The following ARAP1 variants were observed in gnomAD, a reference collection of about 807,000 sequenced individuals.
ARAP1 encodes arf-GAP with Rho-GAP domain, ANK repeat and PH domain-containing protein 1.
ARAP1 carries 76 observed loss-of-function variants against 172.2 expected under a neutral mutation model. The observed-to-expected ratio is 0.44, with a 90% CI of 0.37 to 0.53. ARAP1 has a LOEUF of 0.53. ARAP1 is among the 20% of genes least tolerant of loss of function. The pLI, the probability that ARAP1 is intolerant of heterozygous loss-of-function variation, is 0.00. For synonymous variants in ARAP1, 804 were observed against 803.3 expected (o/e 1.00, Z -0.01); for missense variants, 1,686 against 1,977.5 (o/e 0.85, Z 2.80).
chr11:72,741,746 C>G lies in ARAP1; in HGVS notation c.-127-9149G>C, dbSNP rs1031655194. 2.0e-5 allele frequency among the ~76,000 whole-genome samples: 3 copies of G among 152,272 alleles called. No individual in the cohort carries two copies. Among genetic ancestry groups the G allele is most frequent in the Non-Finnish European group, 4.4e-5 (3 of 68,012 alleles). On this transcript the variant is annotated intron_variant, in intron 1 of 34. Transcript: ENST00000393609. The surrounding 1 kb of genome is among the most constrained non-coding windows in gnomAD (Gnocchi z 4.5). ...GCGGGAGTGGACAGACCCAGTGACA[C>G]CAGCACTCAAGATACAGACCCTCAC...
chr11:72,686,050 G>C lies in ARAP1; in HGVS notation c.4327C>G (p.Pro1443Ala). 3.1e-6 allele frequency: 5 copies of C among 1,614,050 alleles called. No homozygotes were observed. The highest frequency in any genetic ancestry group is 3.4e-6 in the Non-Finnish European group (4 of 1,180,024). Residue 1443 changes from proline (P) to alanine (A), a missense_variant, in exon 34 of 35, where the codon CCT becomes GCT. Around this residue, in one of 5 missense-constraint regions of ARAP1, gnomAD observed 379 missense variants for 500.1 expected, o/e 0.76. Coordinates refer to ENST00000393609, the MANE Select transcript of ARAP1 (RefSeq NM_001040118.3). ...CATGGAGAGCCACTCACAGACAGAG[G>C]GTCCGCGGTGAAGGCAGCCACACTC... ...RRSVAAFTAD[P>A]LSLLRNV
rs1233442046 is a variant in ARAP1 at position 72,741,476 on chromosome 11, C to T, written c.-127-8879G>A. Among the ~76,000 whole-genome samples, 1 of 152,146 alleles carries T rather than the reference C, an allele frequency of 6.6e-6. No individual in the cohort carries two copies. The highest frequency in any genetic ancestry group is 2.4e-5 in the African/African-American group (1 of 41,428). On this transcript the variant is annotated intron_variant, in intron 1 of 34. Coordinates refer to ENST00000393609, the MANE Select transcript of ARAP1 (RefSeq NM_001040118.3). This position sits in a 1 kb window ranked among gnomAD's most constrained non-coding sequence, Gnocchi z 4.5. ...GCAAGACAGGGCTCTGGCCTGGCTC[C>T]CTGGCCCTCAGGCACAGACACACTC...
chr11:72,707,245 A>G lies in ARAP1; in HGVS notation c.1653T>C (p.Ala551=), dbSNP rs1856812725. ...IWAAAPNRFC[A]DCGAPQPDWA... ...AGTCAGGCTGAGGAGCCCCGCAGTC[A>G]GCACAGAACCTGTTGGGGGCTGCAG... is the stretch of plus-strand genomic sequence containing the variant. The change falls in exon 12 of 35, where the codon GCT becomes GCC. Residue 551 remains alanine (A), a synonymous_variant. Transcript: ENST00000393609. 2 of 1,611,600 alleles carry G rather than the reference A, an allele frequency of 1.2e-6. No individual in the cohort carries two copies. Among genetic ancestry groups the G allele is most frequent in the Non-Finnish European group, 8.5e-7 (1 of 1,178,956 alleles).
intron 34 of ARAP1, 67 bp from the exon 35 acceptor site, chr11:72,685,748 C>G: frequency 6.3e-7 from 1 of 1,577,642 alleles, no homozygotes; most frequent in Non-Finnish European, 8.7e-7. Flanking sequence ...CCCGCTGAAG[C>G]TGCTGCAGCT....
Position 72,701,795 on chromosome 11 carries a change from G to A in ARAP1, c.2168-12C>T, listed in dbSNP as rs768651157. The A allele has an allele frequency of 2.5e-6, 4 of 1,612,376 alleles. No individual in the cohort carries two copies. The highest frequency in any genetic ancestry group is 1.1e-5 in the South Asian group (1 of 90,934). ...CAGCCGAGGCACCTCTTTGTAGGCG[G>A]GGAAAGGATGGCAGGTCATGCTGGC... On this transcript the variant is annotated splice_polypyrimidine_tract_variant and intron_variant, in intron 15 of 34. Transcript: ENST00000393609.
chr11:72,701,636 G>C lies in ARAP1; in HGVS notation c.2302+13C>G. ...ATGCCATGGGCTAAAGCAGAGTCTG[G>C]GGTGGCACCCACCTTCCCGGGCCCG... On this transcript the variant is annotated intron_variant, in intron 16 of 34. Transcript: ENST00000393609. 2 of 1,610,782 alleles carry C rather than the reference G, an allele frequency of 1.2e-6. No homozygotes were observed. Among genetic ancestry groups the C allele is most frequent in the Non-Finnish European group, 1.7e-6 (2 of 1,178,744 alleles).
In ARAP1 at chr11:72,695,526, A is replaced by G; in HGVS notation, c.3507+16T>C. On this transcript the variant is annotated intron_variant, in intron 25 of 34. Coordinates refer to ENST00000393609, the MANE Select transcript of ARAP1 (RefSeq NM_001040118.3). The surrounding 1 kb of genome is among the most constrained non-coding windows in gnomAD (Gnocchi z 4.4). ...GGTGGCAGGTCCAAGCCCCCCACCC[A>G]GGCTCCAGCCTTCACCTGGGTCCCA... 6.2e-7 allele frequency: 1 copy of G among 1,614,116 alleles called. No homozygotes were observed. Among genetic ancestry groups the G allele is most frequent in the East Asian group, 2.2e-5 (1 of 44,892 alleles).
chr11:72,712,429 G>A lies in ARAP1; in HGVS notation c.878+9C>T, dbSNP rs1857062925. On this transcript the variant is annotated intron_variant, in intron 6 of 34. Coordinates refer to ENST00000393609, the MANE Select transcript of ARAP1 (RefSeq NM_001040118.3). ...GGCTCAGTGGGAAGGAGGGTGGCCGGACACTCACTTGGGGACGCCCTCATA... is the reference window on the plus strand; with the variant it reads ...GGCTCAGTGGGAAGGAGGGTGGCCGAACACTCACTTGGGGACGCCCTCATA... 6.4e-7 allele frequency: 1 copy of A among 1,561,688 alleles called. No homozygotes were observed. Among genetic ancestry groups the A allele is most frequent in the East Asian group, 2.3e-5 (1 of 44,102 alleles).
intron 3 of ARAP1, among the ~76,000 whole-genome samples, chr11:72,717,427 G>A (rs1168422355): frequency 6.6e-6 from 1 of 152,178 alleles, no homozygotes; most frequent in African/African-American, 2.4e-5. Context: ...CTGAGGGCCA[G>A]AGCTGAGGGG....
chr11:72,737,114 T>C (rs1214366123), intron 1 of ARAP1, among the ~76,000 whole-genome samples: 1 of 152,214 alleles, frequency 6.6e-6, no homozygotes, highest in East Asian at 1.9e-4. Context: ...GCACTGCTTC[T>C]GCTCTCTCTT....
intron 3 of ARAP1, chr11:72,721,993 C>T: frequency 1.0e-6 from 1 of 986,036 alleles, no homozygotes; most frequent in African/African-American, 1.7e-5. Flanking sequence ...GGCCCCTGGC[C>T]CCTGGGTGGG....
Position 72,687,726 on chromosome 11 carries a change from T to C in ARAP1, c.4083A>G (p.Thr1361=), listed in dbSNP as rs766051917. The C allele has an allele frequency of 6.2e-6, 10 of 1,614,128 alleles. No individual in the cohort carries two copies. The East Asian group carries it at 8.9e-5, about 14-fold the overall frequency. ...KLRPPTCWGF[T]VVHETEKHEK... is the part of the protein sequence containing the mutation. ...CATGTTTCTCTGTCTCATGCACCAC[T>C]GTGAAGCCCCAGCTACAGAGGAAGA... The change falls in exon 32 of 35, where the codon ACA becomes ACG. Residue 1361 remains threonine, a synonymous_variant. Transcript: ENST00000393609.
In ARAP1 at chr11:72,735,526, G is replaced by A. The variant is rs188093982; in HGVS notation, c.-127-2929C>T. ...CAGGAGAATTGCTTGAACCTGAAAC[G>A]CAGAGGTTGCAGTGAGCTGAGATCG... On this transcript the variant is annotated intron_variant, in intron 1 of 34. Transcript: ENST00000393609. 2.9e-4 allele frequency among the ~76,000 whole-genome samples: 44 copies of A among 152,192 alleles called. No individual in the cohort carries two copies. In the East Asian group the frequency reaches 8.2e-3, roughly 28 times the overall value.
Position 72,687,709 on chromosome 11 carries a change from T to G in ARAP1, c.4100A>C (p.Glu1367Ala). The G allele has an allele frequency of 6.2e-7, 1 of 1,614,160 alleles. No individual in the cohort carries two copies. The highest frequency in any genetic ancestry group is 8.5e-7 in the Non-Finnish European group (1 of 1,180,038). ...TCACCACTGCTGCTTCTCATGTTTCTCTGTCTCATGCACCACTGTGAAGCC... is the reference window on the plus strand; with the variant it reads ...TCACCACTGCTGCTTCTCATGTTTCGCTGTCTCATGCACCACTGTGAAGCC... Reference protein sequence around the residue: ...CWGFTVVHETEKHEKQQWYLC... With the variant: ...CWGFTVVHETAKHEKQQWYLC... The change falls in exon 32 of 35, where the codon GAG becomes GCG. Residue 1367 changes from glutamate to alanine, a missense_variant. Physicochemically the swap from Glu to Ala is moderately radical, Grantham distance 107. Coordinates refer to ENST00000393609, the MANE Select transcript of ARAP1 (RefSeq NM_001040118.3).
chr11:72,722,221 G>A, intron 3 of ARAP1: 1 of 985,654 alleles, frequency 1.0e-6, no homozygotes, highest in Non-Finnish European at 1.2e-6. Context: ...GTGTGACTCT[G>A]TGTGTCTGTG....
Position 72,696,613 on chromosome 11 carries a change from G to A in ARAP1, c.3208C>T (p.Leu1070=). 2.5e-6 allele frequency: 4 copies of A among 1,606,658 alleles called. 1 individual carries two copies. In the South Asian group the frequency reaches 4.4e-5, roughly 18 times the overall value. The change falls in exon 23 of 35, where the codon CTG becomes TTG. Residue 1070 remains leucine, a synonymous_variant. Transcript: ENST00000393609. ...EEEKVSRYRE[L]LVRLPPVNRA... is the part of the protein sequence containing the mutation. ...TTGACAGGGGGCAGCCGCACCAGCA[G>A]CTCTCGGTACCTGGAGACCTTCTCC...
Position 72,685,310 on chromosome 11 carries a change from C to T in ARAP1, c.*354G>A, listed in dbSNP as rs139457243. On this transcript the variant is annotated 3_prime_UTR_variant, in exon 35 of 35. Coordinates refer to ENST00000393609, the MANE Select transcript of ARAP1 (RefSeq NM_001040118.3). ...TTGGGAGGAGCAGGGGGCTCCCTTC[C>T]GGCAGGGCCCCAGGGCCTCACGCCT... The T allele has an allele frequency of 2.4e-5, 8 of 329,060 alleles. No individual in the cohort carries two copies. The highest frequency in any genetic ancestry group is 6.3e-5 in the East Asian group (1 of 15,846). The allele number at this position is 329,060 out of a possible 1,614,324, so 20.4% of individuals were successfully genotyped here. A position where few individuals can be genotyped will look rare whatever the true frequency, so the allele number is the denominator to read the frequency against.
rs752838974 is a variant in ARAP1 at position 72,703,059 on chromosome 11, G to C, written c.2013C>G (p.Thr671=). 6.3e-7 allele frequency: 1 copy of C among 1,591,320 alleles called. No individual in the cohort carries two copies. The highest frequency in any genetic ancestry group is 8.5e-7 in the Non-Finnish European group (1 of 1,170,636). Residue 671 remains threonine (T), a synonymous_variant, in exon 15 of 35, where the codon ACC becomes ACG. Coordinates refer to ENST00000393609, the MANE Select transcript of ARAP1 (RefSeq NM_001040118.3). ...ELDKALCAAV[T]TTDLAETQAL... ...CCTGGGTCTCAGCCAGGTCTGTGGTGGTGACTGCAGCACACAGGGCCTAGG... is the reference window on the plus strand; with the variant it reads ...CCTGGGTCTCAGCCAGGTCTGTGGTCGTGACTGCAGCACACAGGGCCTAGG...
chr11:72,705,956 C>T (rs917115417), intron 12 of ARAP1, 66 bp from the exon 13 acceptor site: 3 of 1,533,410 alleles, frequency 2.0e-6, no homozygotes, highest in Non-Finnish European at 2.7e-6. Context: ...TTACCCACCC[C>T]CAGTGTCTAC....
Sources: allele counts gnomAD v4.1 joint callset (sites outside exome capture counted in the v4.1 genomes callset), GRCh38; gene constraint gnomAD v4.1.1; regional missense constraint gnomAD v4.1.1; non-coding constraint Gnocchi (gnomAD v3.1); transcripts MANE v1.5; gene names NCBI Gene and HGNC (gene_info 2026-07-23, HGNC 2026-07-21).